SHANK2: variants seen among roughly 807,000 people sequenced by gnomAD.
The protein encoded by SHANK2 is SH3 and multiple ankyrin repeat domains protein 2.
Under a neutral mutation model 133.7 loss-of-function variants are expected in SHANK2, and 43 were observed. The ratio of observed to expected loss-of-function variants is 0.32; its 90% CI spans 0.25 to 0.41. SHANK2 has a LOEUF of 0.41. Ranked by LOEUF, SHANK2 falls within the 10% of genes least tolerant of loss-of-function variation. SHANK2 has a pLI of 1.00. For missense variants in SHANK2, 1,994 were observed against 2,235.8 expected, an observed-to-expected ratio of 0.89 and a Z score of 2.18; for synonymous variants, 1,017 against 952.8, an observed-to-expected ratio of 1.07 and a Z score of -1.24.
At chr11:70,780,853 C>A (rs182051943) in intron 14 of SHANK2, among the ~76,000 whole-genome samples, 49 of 152,222 alleles carry the variant, frequency 3.2e-4, no homozygotes, top group Non-Finnish European at 6.5e-4. Flanking sequence ...GGATTACAGG[C>A]CCTGGCTGTA....
intron 7 of SHANK2, 142 bp downstream of exon 7, chr11:71,094,395 C>T (rs555044231): frequency 3.2e-5 from 24 of 739,650 alleles, no homozygotes; most frequent in Middle Eastern, 4.0e-4. Context: ...AAGCTCCAGC[C>T]GGAACACTGT....
intron 14 of SHANK2, among the ~76,000 whole-genome samples, chr11:70,761,918 G>GGCTGCT (rs200155164): frequency 2.6e-5 from 4 of 151,802 alleles, no homozygotes; most frequent in East Asian, 1.9e-4. Context: ...GCAAGTTCCC[G>GGCTGCT]GCTGCTGCTG....
At chr11:71,133,904 G>A (rs1336609659) in intron 3 of SHANK2, among the ~76,000 whole-genome samples, 2 of 149,952 alleles carry the variant, frequency 1.3e-5, no homozygotes, top group Admixed American at 6.7e-5. Context: ...AACTGAAAGG[G>A]CAGCCCAAAG....
intron 6 of SHANK2, among the ~76,000 whole-genome samples, chr11:71,105,611 A>AAAAG (rs1565454033): frequency 6.0e-5 from 9 of 149,584 alleles, no homozygotes; most frequent in African/African-American, 5.0e-5. Context: ...AAAAAAAAAA[A>AAAAG]AAAGAAAGGG....
At chr11:71,210,547 G>T (rs1954253212) in intron 2 of SHANK2, among the ~76,000 whole-genome samples, 1 of 151,852 alleles carries the variant, frequency 6.6e-6, no homozygotes, top group Admixed American at 6.6e-5. Context: ...ACCATGCCCA[G>T]CCCAGATACA....
chr11:70,901,227 C>A (rs1368350064), intron 10 of SHANK2, among the ~76,000 whole-genome samples: 1 of 152,148 alleles, frequency 6.6e-6, no homozygotes, highest in Non-Finnish European at 1.5e-5. Context: ...ATCACCTTAG[C>A]TTATAATATG....
At chr11:70,827,018 C>T (rs1244841255) in intron 11 of SHANK2, among the ~76,000 whole-genome samples, 1 of 152,144 alleles carries the variant, frequency 6.6e-6, no homozygotes, top group African/African-American at 2.4e-5. Context: ...AAAGAAAAAG[C>T]CAAGTTTGTT....
chr11:70,545,837 C>T (rs1389745288), intron 17 of SHANK2, among the ~76,000 whole-genome samples: 1 of 152,206 alleles, frequency 6.6e-6, no homozygotes, highest in Non-Finnish European at 1.5e-5. Flanking sequence ...CCCCAGATGA[C>T]CCACACTTCT....
At chr11:70,932,975 AATAGAATTCCT>A (rs1424963033) in intron 10 of SHANK2, among the ~76,000 whole-genome samples, 1 of 152,216 alleles carries the variant, frequency 6.6e-6, no homozygotes, top group Non-Finnish European at 1.5e-5. Context: ...AAAAATCAGA[AATAGAATTCCT>A]ATATGACCCA....
intron 14 of SHANK2, among the ~76,000 whole-genome samples, chr11:70,716,903 C>A (rs1029600396): frequency 7.3e-5 from 11 of 150,922 alleles, no homozygotes; most frequent in Non-Finnish European, 1.3e-4. Flanking sequence ...GAGCCCCCCC[C>A]CCGCCCAACT....
At chr11:70,798,597 G>A (rs782114679) in intron 13 of SHANK2, 41 bp from the exon 14 acceptor site, 29 of 717,076 alleles carry the variant, frequency 4.0e-5, no homozygotes, top group South Asian at 1.3e-4. Context: ...CAGGGGGGAC[G>A]TGGAGGGCCT....
chr11:70,796,076 C>T (rs1947903655), intron 14 of SHANK2, among the ~76,000 whole-genome samples: 1 of 152,202 alleles, frequency 6.6e-6, no homozygotes, highest in African/African-American at 2.4e-5. Context: ...ACCACCGCCC[C>T]TCTGGAAGCT....
intron 14 of SHANK2, among the ~76,000 whole-genome samples, chr11:70,781,576 ATATATATT>A (rs1176477280): frequency 8.2e-6 from 1 of 122,032 alleles, no homozygotes; most frequent in African/African-American, 3.1e-5. Context: ...ATATATATAT[ATATATATT>A]TACTTATTTA....
rs1947307761 is a variant in SHANK2, at chr11:70,773,935, A to G, written c.1777+24508T>C. ...CAGTCTAGCAGTGCCTCAAAAGGTT[A>G]AACCTACAGTTCCCTTGTGACCTAG... On this transcript the variant is annotated intron_variant, in intron 14 of 25. Transcript: ENST00000601538. Among the ~76,000 whole-genome samples, 3 of 152,242 alleles carry G rather than the reference A, an allele frequency of 2.0e-5. No homozygotes were observed. The South Asian group carries it at 6.2e-4, about 32-fold the overall frequency.
chr11:70,830,545 C>T lies in SHANK2; in HGVS notation c.1175-9863G>A, dbSNP rs1434310840. On this transcript the variant is annotated intron_variant, in intron 11 of 25. Transcript: ENST00000601538. The surrounding 1 kb of genome is among the most constrained non-coding windows in gnomAD (Gnocchi z 4.4). Reference sequence around the variant, plus strand: ...AGCTGGGGAAGCAGAGGCGGGTGCACAGCCTCCCGCAGAACTCCGGGAATT... The same window carrying T: ...AGCTGGGGAAGCAGAGGCGGGTGCATAGCCTCCCGCAGAACTCCGGGAATT... 6.6e-6 allele frequency among the ~76,000 whole-genome samples: 1 copy of T among 152,238 alleles called. No homozygotes were observed. The highest frequency in any genetic ancestry group is 2.4e-5 in the African/African-American group (1 of 41,464).
intron 2 of SHANK2, among the ~76,000 whole-genome samples, chr11:71,187,805 GT>G (rs1953704130): frequency 6.6e-6 from 1 of 152,198 alleles, no homozygotes; most frequent in Admixed American, 6.5e-5. Context: ...TAGAGACAGT[GT>G]CTTCCTCTGG....
chr11:70,575,717 C>T (rs1472164281), intron 17 of SHANK2, among the ~76,000 whole-genome samples: 5 of 151,212 alleles, frequency 3.3e-5, no homozygotes, highest in Non-Finnish European at 5.9e-5. Context: ...GGGTGGGGGG[C>T]GCAGGATGAG....
Position 70,502,806 on chromosome 11 carries a change from G to C in SHANK2, c.2187C>G (p.Ala729=). ...VTRNLDPDDT[A]RKKAPPPPKR... is the part of the protein sequence containing the mutation. ...ATGTGGGGCATGTACCTTTCTTCCT[G>C]GCGGTGTCGTCGGGGTCCAGATTCC... The change falls in exon 18 of 26, where the codon GCC becomes GCG. Residue 729 remains alanine (A), a synonymous_variant. Coordinates refer to ENST00000601538, the MANE Select transcript of SHANK2 (RefSeq NM_012309.5). 6.3e-7 allele frequency: 1 copy of C among 1,595,362 alleles called. No homozygotes were observed. Among genetic ancestry groups the C allele is most frequent in the Non-Finnish European group, 8.5e-7 (1 of 1,176,260 alleles).
At chr11:71,112,556 CA>C (rs1277324241) in intron 5 of SHANK2, among the ~76,000 whole-genome samples, 1 of 152,180 alleles carries the variant, frequency 6.6e-6, no homozygotes, top group Non-Finnish European at 1.5e-5. Context: ...GCGCTTCAGG[CA>C]GCTGCCCGGA....
Sources: allele counts gnomAD v4.1 joint callset (sites outside exome capture counted in the v4.1 genomes callset), GRCh38; gene constraint gnomAD v4.1.1; non-coding constraint Gnocchi (gnomAD v3.1); transcripts MANE v1.5; gene names NCBI Gene and HGNC (gene_info 2026-07-23, HGNC 2026-07-21).